CARHSP1: variants seen among roughly 807,000 people sequenced by gnomAD.
The protein encoded by CARHSP1 is calcium-regulated heat-stable protein 1.
CARHSP1 carries 14 observed loss-of-function variants against 12.5 expected under a neutral mutation model. The ratio of observed to expected loss-of-function variants is 1.12; its 90% CI spans 0.74 to 1.75. CARHSP1 has a LOEUF of 1.75. Ranked by LOEUF, CARHSP1 falls within the 40% of genes most tolerant of loss-of-function variation. The probability of loss-of-function intolerance (pLI) is 0.00; values close to 1 mark genes in which losing one functional copy is unlikely to be tolerated. For synonymous variants in CARHSP1, 161 were observed against 82.0 expected, an observed-to-expected ratio of 1.96 and a Z score of -5.20; for missense variants, 343 against 201.6, an observed-to-expected ratio of 1.70 and a Z score of -4.25.
At chr16:8,863,449 G>T (rs921200098) in intron 1 of CARHSP1, among the ~76,000 whole-genome samples, 13 of 152,314 alleles carry the variant, frequency 8.5e-5, no homozygotes, top group African/African-American at 2.9e-4. Flanking sequence ...AGGACCCAAA[G>T]CCCCAGCTGG....
intron 1 of CARHSP1, chr16:8,860,622 C>G (rs1211816420): frequency 2.1e-6 from 1 of 479,668 alleles, no homozygotes; most frequent in South Asian, 8.9e-5. Context: ...CTGCGCAGGG[C>G]TGGTGATGGG....
At chr16:8,858,765 T>TATTA (rs2061240615) in intron 2 of CARHSP1, 14 of 455,406 alleles carry the variant, frequency 3.1e-5, no homozygotes, top group Non-Finnish European at 5.5e-5. Flanking sequence ...AATGATTTAC[T>TATTA]ATTAATAACA....
rs987553324 is a variant in CARHSP1, at chr16:8,854,220, T to A, written c.*944A>T. 2.6e-5 allele frequency: 4 copies of A among 152,028 alleles called. No individual in the cohort carries two copies. The highest frequency in any genetic ancestry group is 9.7e-5 in the African/African-American group (4 of 41,392). 9.4% of individuals were successfully genotyped at this position (152,028 alleles called of 1,614,324 possible). ...AACACTAGTTTTAAAGAAAACCCCC[T>A]CTCCAAAGGTATGTTTCTCCTTCAA... On this transcript the variant is annotated 3_prime_UTR_variant, in exon 4 of 4. Coordinates refer to ENST00000311052, the MANE Select transcript of CARHSP1 (RefSeq NM_014316.4).
chr16:8,857,460 T>TC lies in CARHSP1; in HGVS notation c.281+889_281+890insG, dbSNP rs1171696602. 2.0e-4 allele frequency: 19 copies of TC among 93,524 alleles called. No individual in the cohort carries two copies. In the Admixed American group the frequency reaches 2.1e-3, roughly 10 times the overall value. The allele number at this position is 93,524 out of a possible 1,614,324, so 5.8% of individuals were successfully genotyped here. Reference sequence around the variant, plus strand: ...ATCATTCCCCGCTTTTTTTTTTTTTTTTTCTATTTTTTTGTATTTTTGTGA... The same window carrying TC: ...ATCATTCCCCGCTTTTTTTTTTTTTTCTTTCTATTTTTTTGTATTTTTGTGA... On this transcript the variant is annotated intron_variant, in intron 3 of 3. Transcript: ENST00000311052.
chr16:8,864,047 G>A (rs79299657), intron 1 of CARHSP1, among the ~76,000 whole-genome samples: 1,793 of 152,326 alleles, frequency 0.012, 34 homozygotes, highest in African/African-American at 0.039. Flanking sequence ...CCACTCAGAT[G>A]AGCTTCTGGC....
At chr16:8,865,838 CAG>C (rs1325054664) in intron 1 of CARHSP1, among the ~76,000 whole-genome samples, 1 of 152,206 alleles carries the variant, frequency 6.6e-6, no homozygotes, top group Non-Finnish European at 1.5e-5. Flanking sequence ...AACTAAGGCA[CAG>C]AGTTAAGCCA....
chr16:8,859,172 C>A lies in CARHSP1; in HGVS notation c.157G>T (p.Ala53Ser), dbSNP rs775024575. The A allele has an allele frequency of 4.4e-6, 7 of 1,596,794 alleles. No individual in the cohort carries two copies. The East Asian group carries it at 1.6e-4, about 36-fold the overall frequency. The change falls in exon 2 of 4, where the codon GCG (alanine) becomes TCG (serine). Residue 53 changes from alanine (A) to serine (S), a missense_variant and splice_region_variant. By Grantham distance (99) the Ala-to-Ser change is moderately conservative. Transcript: ENST00000311052. ...LPTRRTRTFSATVRASQGPVY... is the reference protein window; with the variant it reads ...LPTRRTRTFSSTVRASQGPVY... ...GTCCCCAGCCTGCTCCAGACTCACG[C>A]CGAGAAGGTCCTCGTCCGGCGAGTG...
intron 3 of CARHSP1, chr16:8,857,909 C>G: frequency 6.1e-6 from 1 of 163,502 alleles, no homozygotes; most frequent in Non-Finnish European, 1.3e-5. Context: ...CTACAGGTGC[C>G]CGCCACCATG....
rs770141066 is a variant in CARHSP1 at position 8,859,256 on chromosome 16, G to C, written c.73C>G (p.Arg25Gly). Reference sequence around the variant, plus strand: ...GGGGATGGTGAGCGCTCACGGCTCCGAGGGGTGTCCAGCAGCCCGACTGAA... The same window carrying C: ...GGGGATGGTGAGCGCTCACGGCTCCCAGGGGTGTCCAGCAGCCCGACTGAA... ...QASVGLLDTP[R>G]SRERSPSPLR... The change falls in exon 2 of 4, where the codon CGG (arginine) becomes GGG (glycine). Residue 25 changes from arginine (R) to glycine (G), a missense_variant. Transcript: ENST00000311052. 4 of 1,602,202 alleles carry C rather than the reference G, an allele frequency of 2.5e-6. No homozygotes were observed. Among genetic ancestry groups the C allele is most frequent in the East Asian group, 2.2e-5 (1 of 44,602 alleles).
chr16:8,855,850 T>A (rs940238698), intron 3 of CARHSP1, among the ~76,000 whole-genome samples: 1 of 152,082 alleles, frequency 6.6e-6, no homozygotes, highest in Admixed American at 6.5e-5. Context: ...TGAGACAGAG[T>A]CTTGTTCTGT....
intron 1 of CARHSP1, among the ~76,000 whole-genome samples, chr16:8,865,280 T>C (rs1396355548): frequency 6.6e-6 from 1 of 151,960 alleles, no homozygotes; most frequent in Non-Finnish European, 1.5e-5. Context: ...CAGCCAATTG[T>C]TGTATTTTTA....
At chr16:8,864,886 T>C (rs2061429397) in intron 1 of CARHSP1, among the ~76,000 whole-genome samples, 1 of 152,192 alleles carries the variant, frequency 6.6e-6, no homozygotes, top group Admixed American at 6.5e-5. Context: ...ACCAAGACTC[T>C]GGCTTTCCCA....
At position 8,855,007 on chromosome 16, in the gene CARHSP1, A is replaced by T. The variant is rs990110233; in HGVS notation, c.*157T>A. The T allele has an allele frequency of 1.4e-5, 7 of 482,834 alleles. No homozygotes were observed. The highest frequency in any genetic ancestry group is 2.4e-5 in the Non-Finnish European group (7 of 286,766). The allele number at this position is 482,834 out of a possible 1,614,324, so 29.9% of individuals were successfully genotyped here. ...TGGCCGGGAACACCCCACACCCCAC[A>T]CCTGCCCCCCATACCCCTTCCTCCA... On this transcript the variant is annotated 3_prime_UTR_variant, in exon 4 of 4. Transcript: ENST00000311052.
intron 1 of CARHSP1, among the ~76,000 whole-genome samples, chr16:8,864,870 C>T (rs1457999553): frequency 6.6e-6 from 1 of 152,194 alleles, no homozygotes; most frequent in African/African-American, 2.4e-5. Context: ...TGGAGTTCAG[C>T]TGGGTACCAA....
Position 8,866,570 on chromosome 16 carries a change from G to GCTCTA in CARHSP1, c.-8+2395_-8+2396insTAGAG, listed in dbSNP as rs545411393. On this transcript the variant is annotated intron_variant, in intron 1 of 3. Coordinates refer to ENST00000311052, the MANE Select transcript of CARHSP1 (RefSeq NM_014316.4). ...GGGTCAGCTGAGCCCAGATAGAAGG[G>GCTCTA]TCCCTGGAAGCGATAGAGGCCGAGA... 4.5e-5 allele frequency: 23 copies of GCTCTA among 511,200 alleles called. No homozygotes were observed. The East Asian group carries it at 3.1e-3, about 69-fold the overall frequency. 31.7% of individuals were successfully genotyped at this position (511,200 alleles called of 1,614,324 possible).
intron 1 of CARHSP1, among the ~76,000 whole-genome samples, chr16:8,861,448 C>A (rs1454603281): frequency 6.6e-6 from 1 of 151,746 alleles, no homozygotes; most frequent in Non-Finnish European, 1.5e-5. Flanking sequence ...TAGGAGTCTT[C>A]AACCTACATC....
At position 8,855,183 on chromosome 16, in the gene CARHSP1, C is replaced by G. The variant is rs2061057123; in HGVS notation, c.425G>C (p.Gly142Ala). Residue 142 changes from glycine (G) to alanine (A), a missense_variant, in exon 4 of 4, where the codon GGA becomes GCA. Physicochemically the swap from Gly to Ala is moderately conservative, Grantham distance 60. Transcript: ENST00000311052. ...CATCTCCTAGGAGCTGATGACATGT[C>G]CAGACCAGGTCTCATGCTTGGTGCC... ...APGTKHETWS[G>A]HVISS The G allele has an allele frequency of 6.2e-7, 1 of 1,607,638 alleles. No individual in the cohort carries two copies. The highest frequency in any genetic ancestry group is 8.5e-7 in the Non-Finnish European group (1 of 1,176,076).
In CARHSP1 at chr16:8,868,968, T is replaced by G. The variant is rs2061488989; in HGVS notation, c.-10A>C. 1 of 151,372 alleles carries G rather than the reference T, an allele frequency of 6.6e-6. No individual in the cohort carries two copies. The highest frequency in any genetic ancestry group is 1.5e-5 in the Non-Finnish European group (1 of 67,770). 9.4% of individuals were successfully genotyped at this position (151,372 alleles called of 1,614,324 possible). On this transcript the variant is annotated splice_region_variant and 5_prime_UTR_variant, in exon 1 of 4. Coordinates refer to ENST00000311052, the MANE Select transcript of CARHSP1 (RefSeq NM_014316.4). ...GGTCCCCGAGAAGAGCTCCCTACCC[T>G]GCAATCCGTTCTGCTCCGCCAGCCG...
In CARHSP1 at chr16:8,858,851, G is replaced by T. The variant is rs1266905389; in HGVS notation, c.158+320C>A. The T allele has an allele frequency of 7.3e-6, 3 of 408,940 alleles. No homozygotes were observed. The South Asian group carries it at 1.5e-4, about 20-fold the overall frequency. 25.3% of individuals were successfully genotyped at this position (408,940 alleles called of 1,614,324 possible). The stretch of plus-strand genomic sequence containing the variant: ...GTGGGTCCTTTGCAGCCCTGGTGCT[G>T]TGCCCATTTTGCAGCTGCAGAATTC... On this transcript the variant is annotated intron_variant, in intron 2 of 3. Transcript: ENST00000311052.
Sources: gnomAD v4.1 joint callset for allele counts (sites outside exome capture counted in the v4.1 genomes callset) on GRCh38, gnomAD v4.1.1 for gene constraint, MANE v1.5 for transcripts, NCBI Gene and HGNC (gene_info 2026-07-23, HGNC 2026-07-21) for gene names.